The following PCDH15 variants were observed in gnomAD, a reference collection of about 807,000 sequenced individuals.
PCDH15 encodes the protein protocadherin-15.
A neutral mutation model predicts 178.5 loss-of-function variants in PCDH15; 129 were observed. The ratio of observed to expected loss-of-function variants is 0.72; its 90% CI spans 0.63 to 0.84. The LOEUF is 0.84. PCDH15 is among the 40% of genes least tolerant of loss of function. The pLI is 0.00. For missense variants in PCDH15, 2,230 were observed against 2,099.9 expected (o/e 1.06, Z -1.21); for synonymous variants, 800 against 732.0 (o/e 1.09, Z -1.50).
At chr10:54,078,047 G>A (rs1228625068) in intron 17 of PCDH15, among the ~76,000 whole-genome samples, 10 of 152,116 alleles carry the variant, frequency 6.6e-5, no homozygotes, top group Non-Finnish European at 1.3e-4. Flanking sequence ...TGGGCAACAA[G>A]AGCGAAACTC....
chr10:54,221,971 T>C (rs1307367901), intron 9 of PCDH15, among the ~76,000 whole-genome samples: 1 of 152,208 alleles, frequency 6.6e-6, no homozygotes, highest in Non-Finnish European at 1.5e-5. Flanking sequence ...TTGAAGTCCA[T>C]GTTGTTTCAT....
intron 2 of PCDH15, among the ~76,000 whole-genome samples, chr10:55,135,574 C>CTTTTTTTTTTTTTTTTTTTTT (rs56956557): frequency 1.5e-5 from 1 of 68,218 alleles, no homozygotes; most frequent in Non-Finnish European, 2.7e-5. Context: ...TCTTTTCTTT[C>CTTTTTTTTTTTTTTTTTTTTT]TTTTTTTTTT....
intron 1 of PCDH15, among the ~76,000 whole-genome samples, chr10:54,726,365 C>A (rs1319409381): frequency 6.6e-6 from 1 of 151,282 alleles, no homozygotes; most frequent in African/African-American, 2.4e-5. Flanking sequence ...AAAGTTGATT[C>A]TCCAGTCATA....
intron 1 of PCDH15, among the ~76,000 whole-genome samples, chr10:54,716,552 C>T (rs1198031308): frequency 6.6e-6 from 1 of 151,994 alleles, no homozygotes; most frequent in Non-Finnish European, 1.5e-5. Context: ...CATGATTTGG[C>T]TCTCTGTTTG....
chr10:54,193,407 C>T (rs906091823), intron 11 of PCDH15, among the ~76,000 whole-genome samples: 2 of 152,104 alleles, frequency 1.3e-5, no homozygotes, highest in South Asian at 4.1e-4. Context: ...TTCTAACCAC[C>T]AGTTCTATTA....
intron 16 of PCDH15, among the ~76,000 whole-genome samples, chr10:54,080,913 T>C (rs1025031898): frequency 6.6e-6 from 1 of 152,176 alleles, no homozygotes; most frequent in African/African-American, 2.4e-5. Context: ...TGAGGCTTAT[T>C]CACAAGTATC....
At chr10:53,970,982 C>CA (rs1387852696) in intron 21 of PCDH15, among the ~76,000 whole-genome samples, 4 of 151,806 alleles carry the variant, frequency 2.6e-5, no homozygotes, top group African/African-American at 9.7e-5. Context: ...AGAGACACAA[C>CA]AAAAAAAGAG....
At chr10:55,540,186 G>A (rs1346884999) in intron 2 of PCDH15, among the ~76,000 whole-genome samples, 1 of 151,982 alleles carries the variant, frequency 6.6e-6, no homozygotes, top group Non-Finnish European at 1.5e-5. Flanking sequence ...TACCTTCTGT[G>A]AGATTCGCTT....
At chr10:55,196,497 T>C (rs1481918722) in intron 1 of PCDH15, among the ~76,000 whole-genome samples, 1 of 151,974 alleles carries the variant, frequency 6.6e-6, no homozygotes, top group African/African-American at 2.4e-5. Flanking sequence ...CATGGCCTAA[T>C]GAATTCTCTC....
chr10:54,508,549 C>G lies in PCDH15; in HGVS notation c.157+19263G>C, dbSNP rs560785695. On this transcript the variant is annotated intron_variant, in intron 3 of 37. Coordinates refer to ENST00000644397, the MANE Select transcript of PCDH15 (RefSeq NM_001384140.1). Reference sequence around the variant, plus strand: ...TGCTCAGACCACTTATATTGGTCTACATTTGGGCAAAATCAAATGCTTATT... The same window carrying G: ...TGCTCAGACCACTTATATTGGTCTAGATTTGGGCAAAATCAAATGCTTATT... Among the ~76,000 whole-genome samples the G allele has an allele frequency of 5.9e-5, 9 of 152,210 alleles. No individual in the cohort carries two copies. In the South Asian group the frequency reaches 1.2e-3, roughly 21 times the overall value.
chr10:55,596,491 C>T (rs1842937540), intron 2 of PCDH15, among the ~76,000 whole-genome samples: 2 of 152,068 alleles, frequency 1.3e-5, no homozygotes, highest in South Asian at 4.1e-4. Flanking sequence ...ACTTCTCTCC[C>T]TCTCTCGTTT....
chr10:54,644,780 CAA>C (rs1476157127), intron 2 of PCDH15, among the ~76,000 whole-genome samples: 12 of 152,140 alleles, frequency 7.9e-5, no homozygotes, highest in Non-Finnish European at 1.6e-4. Flanking sequence ...ATCAATGCAA[CAA>C]CATTAAGAGG....
At chr10:54,005,245 G>A (rs2092343540) in intron 20 of PCDH15, among the ~76,000 whole-genome samples, 1 of 152,074 alleles carries the variant, frequency 6.6e-6, no homozygotes, top group Non-Finnish European at 1.5e-5. Context: ...CAGGAGATAG[G>A]ACTAGGCAAA....
intron 1 of PCDH15, among the ~76,000 whole-genome samples, chr10:54,749,750 A>G (rs1945952257): frequency 6.6e-6 from 1 of 152,136 alleles, no homozygotes; most frequent in Non-Finnish European, 1.5e-5. Context: ...TGACAAAGTT[A>G]AATATGTGGT....
chr10:55,198,581 G>T (rs1035379008), intron 1 of PCDH15, among the ~76,000 whole-genome samples: 3 of 152,026 alleles, frequency 2.0e-5, no homozygotes, highest in Non-Finnish European at 4.4e-5. Context: ...CCGCCTCCTG[G>T]GTTCACGCCA....
chr10:55,250,369 A>C (rs1037232409), intron 1 of PCDH15, among the ~76,000 whole-genome samples: 14 of 150,964 alleles, frequency 9.3e-5, no homozygotes, highest in African/African-American at 2.4e-4. Flanking sequence ...CTGGTCCCAA[A>C]CTCCTGGGCT....
Position 53,893,197 on chromosome 10 carries a change from A to T in PCDH15, c.3501+10046T>A, listed in dbSNP as rs995083243. Among the ~76,000 whole-genome samples, 3 of 152,154 alleles carry T rather than the reference A, an allele frequency of 2.0e-5. No individual in the cohort carries two copies. In the South Asian group the frequency reaches 6.2e-4, roughly 31 times the overall value. ...GTTGTTCAGGAAAAAAAAAATCTTC[A>T]CATTTGATGTCACCAGTGAGGCTAA... On this transcript the variant is annotated intron_variant, in intron 26 of 37. Transcript: ENST00000644397.
intron 1 of PCDH15, among the ~76,000 whole-genome samples, chr10:55,234,729 A>T (rs1454739057): frequency 2.0e-5 from 3 of 152,078 alleles, no homozygotes; most frequent in Admixed American, 6.6e-5. Context: ...GTATTTTGAG[A>T]CAATAAAATT....
chr10:53,981,691 C>T lies in PCDH15; in HGVS notation c.2868+13958G>A, dbSNP rs1328695039. Reference sequence around the variant, plus strand: ...ATTCAAGATGGATTAAAGACTTAAACGTTAGACCTAAAACCATAAAAACCC... The same window carrying T: ...ATTCAAGATGGATTAAAGACTTAAATGTTAGACCTAAAACCATAAAAACCC... On this transcript the variant is annotated intron_variant, in intron 21 of 37. Transcript: ENST00000644397. Among the ~76,000 whole-genome samples, 17 of 149,352 alleles carry T rather than the reference C, an allele frequency of 1.1e-4. No homozygotes were observed. The South Asian group carries it at 1.7e-3, about 15-fold the overall frequency.
Sources: allele counts gnomAD v4.1 joint callset (sites outside exome capture counted in the v4.1 genomes callset), GRCh38; gene constraint gnomAD v4.1.1; transcripts MANE v1.5; gene names NCBI Gene and HGNC (gene_info 2026-07-23, HGNC 2026-07-21).